Variants in SCAPER observed in about 807,000 individuals in gnomAD.
SCAPER encodes the protein S-phase cyclin A associated protein in the ER.
SCAPER carries 98 observed loss-of-function variants against 182.2 expected under a neutral mutation model. That is an observed-to-expected ratio of 0.54 (90% CI 0.46 to 0.64). SCAPER has a LOEUF of 0.64. SCAPER is among the 30% of genes least tolerant of loss of function. The pLI, the probability that SCAPER is intolerant of heterozygous loss-of-function variation, is 0.00. For missense variants in SCAPER, 1,432 were observed against 1,690.0 expected, an observed-to-expected ratio of 0.85 and a Z score of 2.68; for synonymous variants, 605 against 564.6, an observed-to-expected ratio of 1.07 and a Z score of -1.01.
At chr15:76,746,386 G>A (rs1019876894) in intron 15 of SCAPER, among the ~76,000 whole-genome samples, 1 of 152,160 alleles carries the variant, frequency 6.6e-6, no homozygotes, top group Non-Finnish European at 1.5e-5. Context: ...CAGATACCAA[G>A]GCTCAACTGT....
intron 29 of SCAPER, among the ~76,000 whole-genome samples, chr15:76,374,557 A>T (rs900580146): frequency 6.7e-6 from 1 of 148,202 alleles, no homozygotes; most frequent in Non-Finnish European, 1.5e-5. Flanking sequence ...ATCTCGGCTC[A>T]TCGCAACCTC....
intron 2 of SCAPER, among the ~76,000 whole-genome samples, chr15:76,880,182 T>C (rs760296915): frequency 6.6e-6 from 1 of 152,228 alleles, no homozygotes; most frequent in Non-Finnish European, 1.5e-5. Context: ...AGAAACTTAC[T>C]CTTTTCTTGA....
chr15:76,775,147 G>A, intron 8 of SCAPER, 30 bp from the exon 9 acceptor site: 1 of 1,531,474 alleles, frequency 6.5e-7, no homozygotes, highest in Non-Finnish European at 8.8e-7. Flanking sequence ...AACAAATCAA[G>A]ATTTATTTAG....
chr15:76,811,036 T>C (rs529780030), intron 5 of SCAPER, among the ~76,000 whole-genome samples: 1 of 147,854 alleles, frequency 6.8e-6, no homozygotes, highest in East Asian at 2.0e-4. Context: ...ATAAAGCAAA[T>C]ACTGATGGAT....
chr15:76,448,474 C>T (rs1013468947), intron 25 of SCAPER, among the ~76,000 whole-genome samples: 5 of 151,992 alleles, frequency 3.3e-5, no homozygotes, highest in South Asian at 2.1e-4. Context: ...GGAGTATATG[C>T]CCAGTTCTGG....
rs3743173 is a variant in SCAPER at position 76,621,562 on chromosome 15, T to C, written c.2711+202A>G. Among the ~76,000 whole-genome samples the C allele has an allele frequency of 7.2e-5, 11 of 152,302 alleles. 1 individual carries two copies. The East Asian group carries it at 2.1e-3, about 29-fold the overall frequency. On this transcript the variant is annotated intron_variant, in intron 22 of 31. Transcript: ENST00000563290. ...CCCACTTGATGCTAGCAGCCCCAAGTTGTGCTCACAAGAACTGTGCCCAGA... is the reference window on the plus strand; with the variant it reads ...CCCACTTGATGCTAGCAGCCCCAAGCTGTGCTCACAAGAACTGTGCCCAGA...
chr15:76,831,879 G>A (rs1041125094), intron 5 of SCAPER, among the ~76,000 whole-genome samples: 4 of 152,094 alleles, frequency 2.6e-5, no homozygotes, highest in African/African-American at 7.2e-5. Flanking sequence ...GCTGTGCTGA[G>A]GCTTGGTGGC....
chr15:76,652,385 T>C (rs1173427030), intron 21 of SCAPER, among the ~76,000 whole-genome samples: 7 of 62,760 alleles, frequency 1.1e-4, no homozygotes, highest in Admixed American at 1.8e-4. Flanking sequence ...TATATATATA[T>C]ATATATATAT....
At chr15:76,800,196 T>A in intron 7 of SCAPER, 52 bp downstream of exon 7, 1 of 1,006,920 alleles carries the variant, frequency 9.9e-7, no homozygotes, top group Non-Finnish European at 1.5e-6. Context: ...CTATAATAAC[T>A]AAGAAAATAA....
At chr15:76,516,228 T>C (rs551897709) in intron 23 of SCAPER, among the ~76,000 whole-genome samples, 2 of 152,096 alleles carry the variant, frequency 1.3e-5, no homozygotes, top group African/African-American at 4.8e-5. Context: ...TTTTAAATTA[T>C]ACTTTAAGTT....
chr15:76,598,976 G>A lies in SCAPER; in HGVS notation c.2711+22788C>T, dbSNP rs1277138968. On this transcript the variant is annotated intron_variant, in intron 22 of 31. Coordinates refer to ENST00000563290, the MANE Select transcript of SCAPER (RefSeq NM_020843.4). The stretch of plus-strand genomic sequence containing the variant: ...CTTTTGCCAGGACCCAGTTTCTAGC[G>A]GTAATAAAATGAATATGTATTAAGC... 1.4e-4 allele frequency among the ~76,000 whole-genome samples: 16 copies of A among 117,260 alleles called. 4 individuals are homozygous for A. In the East Asian group the frequency reaches 2.5e-3, roughly 18 times the overall value. 76.9% of individuals were successfully genotyped at this position (117,260 alleles called of 152,430 possible).
Position 76,899,811 on chromosome 15 carries a change from G to A in SCAPER, c.-60+5488C>T, listed in dbSNP as rs376611341. ...AAGTGAGGAGCACCTCTGCCCGGCC[G>A]CCCCGTCTGGGAAGTGTACCCAACA... On this transcript the variant is annotated intron_variant, in intron 1 of 31. Transcript: ENST00000563290. Among the ~76,000 whole-genome samples, 108 of 151,332 alleles carry A rather than the reference G, an allele frequency of 7.1e-4. 2 individuals carry two copies. In the East Asian group the frequency reaches 0.017, roughly 24 times the overall value.
intron 24 of SCAPER, among the ~76,000 whole-genome samples, chr15:76,482,111 C>G (rs766611505): frequency 1.3e-5 from 2 of 151,930 alleles, no homozygotes; most frequent in African/African-American, 4.8e-5. Context: ...ATGATCAATA[C>G]CTAGAGCCAT....
intron 22 of SCAPER, among the ~76,000 whole-genome samples, chr15:76,609,757 C>G (rs1475290372): frequency 1.3e-5 from 2 of 152,166 alleles, no homozygotes; most frequent in African/African-American, 4.8e-5. Context: ...GGTAGTATAT[C>G]AGCCTTTAGT....
At chr15:76,469,324 A>G (rs1401384676) in intron 25 of SCAPER, among the ~76,000 whole-genome samples, 1 of 152,190 alleles carries the variant, frequency 6.6e-6, no homozygotes, top group Non-Finnish European at 1.5e-5. Flanking sequence ...GTTTTGAAAT[A>G]ATTTTAAGTA....
intron 23 of SCAPER, among the ~76,000 whole-genome samples, chr15:76,557,201 A>G (rs114894632): frequency 0.016 from 2,363 of 152,312 alleles, 61 homozygotes; most frequent in African/African-American, 0.055. Context: ...TGCAGATTCA[A>G]TGCTATTCCT....
At chr15:76,870,465 C>T (rs1007853938) in intron 2 of SCAPER, among the ~76,000 whole-genome samples, 5 of 151,782 alleles carry the variant, frequency 3.3e-5, no homozygotes, top group Non-Finnish European at 5.9e-5. Flanking sequence ...TATACCCACA[C>T]ATTAGCCAAG....
chr15:76,488,989 C>T (rs753904160), intron 24 of SCAPER, among the ~76,000 whole-genome samples: 4 of 151,118 alleles, frequency 2.6e-5, no homozygotes, highest in Non-Finnish European at 5.9e-5. Context: ...TCCCAAAGTG[C>T]TAGGATTACA....
chr15:76,713,054 A>G (rs1311272007), intron 17 of SCAPER, among the ~76,000 whole-genome samples: 1 of 152,142 alleles, frequency 6.6e-6, no homozygotes, highest in East Asian at 1.9e-4. Context: ...TTGCCCATTC[A>G]GTATGATATT....
Sources: allele counts gnomAD v4.1 joint callset (sites outside exome capture counted in the v4.1 genomes callset), GRCh38; gene constraint gnomAD v4.1.1; transcripts MANE v1.5; gene names NCBI Gene and HGNC (gene_info 2026-07-23, HGNC 2026-07-21).